Variants in EMCN observed in about 807,000 individuals in gnomAD.
EMCN encodes endomucin.
A neutral mutation model predicts 38.4 loss-of-function variants in EMCN; 37 were observed. That is an observed-to-expected ratio of 0.96 (90% CI 0.74 to 1.27). The LOEUF is 1.27. Ranked by LOEUF, EMCN falls within the 50% of genes most tolerant of loss-of-function variation. The pLI, the probability that EMCN is intolerant of heterozygous loss-of-function variation, is 0.00. For missense variants in EMCN, 318 were observed against 302.8 expected, an observed-to-expected ratio of 1.05 and a Z score of -0.37; for synonymous variants, 95 against 100.8, an observed-to-expected ratio of 0.94 and a Z score of 0.35.
intron 5 of EMCN, among the ~76,000 whole-genome samples, chr4:100,425,375 T>C (rs1727018963): frequency 6.6e-6 from 1 of 152,108 alleles, no homozygotes; most frequent in Non-Finnish European, 1.5e-5. Context: ...ACAGTTTTTG[T>C]TGAGACTGTA....
At chr4:100,511,416 GAC>G (rs1231663659) in intron 1 of EMCN, among the ~76,000 whole-genome samples, 1 of 152,064 alleles carries the variant, frequency 6.6e-6, no homozygotes, top group Non-Finnish European at 1.5e-5. Flanking sequence ...TCTAGTCTTT[GAC>G]ACAACTAATA....
At position 100,493,698 on chromosome 4, in the gene EMCN, C is replaced by T. The variant is rs148841034; in HGVS notation, c.65-13659G>A. ...AATGATGAATGCAATTATTATTTTA[C>T]ACGGGGGTTGTTTCACAACTTTTTT... On this transcript the variant is annotated intron_variant, in intron 1 of 11. Transcript: ENST00000296420. 2.8e-3 allele frequency among the ~76,000 whole-genome samples: 430 copies of T among 152,240 alleles called. 4 individuals carry two copies. Among genetic ancestry groups the T allele is most frequent in the African/African-American group, 9.9e-3 (411 of 41,538 alleles).
Position 100,454,852 on chromosome 4 carries a change from T to C in EMCN, c.377-7281A>G, listed in dbSNP as rs77094703. 3.2e-3 allele frequency among the ~76,000 whole-genome samples: 480 copies of C among 152,284 alleles called. 2 individuals carry two copies. Among genetic ancestry groups the C allele is most frequent in the African/African-American group, 0.011 (463 of 41,572 alleles). ...TTGAAACCTTCTCTGTCTGATATTA[T>C]TGTAGTCCCTTCAACTTTCTTTTAA... is the stretch of plus-strand genomic sequence containing the variant. On this transcript the variant is annotated intron_variant, in intron 4 of 11. Coordinates refer to ENST00000296420, the MANE Select transcript of EMCN (RefSeq NM_016242.4).
chr4:100,437,190 AC>A (rs1438172601), intron 5 of EMCN, among the ~76,000 whole-genome samples: 1 of 152,206 alleles, frequency 6.6e-6, no homozygotes, highest in African/African-American at 2.4e-5. Context: ...GATGTTGACC[AC>A]ATTTGCATGC....
intron 10 of EMCN, 32 bp from the exon 11 acceptor site, chr4:100,410,387 G>T (rs376385480): frequency 2.4e-5 from 39 of 1,603,058 alleles, no homozygotes; most frequent in Non-Finnish European, 3.2e-5. Context: ...TGATCTGTAA[G>T]CTCAGAGACT....
intron 1 of EMCN, among the ~76,000 whole-genome samples, chr4:100,516,273 G>C (rs1349227204): frequency 6.6e-6 from 1 of 152,044 alleles, no homozygotes; most frequent in East Asian, 1.9e-4. Context: ...CTTAAGGCCA[G>C]GTATTGCAGG....
chr4:100,443,021 T>C (rs1406822085), intron 5 of EMCN, among the ~76,000 whole-genome samples: 4 of 152,172 alleles, frequency 2.6e-5, no homozygotes, highest in Admixed American at 2.6e-4. Flanking sequence ...GGCTAATTTT[T>C]GTATTTTTAG....
At chr4:100,401,894 T>C (rs957428240) in intron 11 of EMCN, among the ~76,000 whole-genome samples, 103 of 152,234 alleles carry the variant, frequency 6.8e-4, no homozygotes, top group African/African-American at 2.5e-3. Flanking sequence ...TAGCAGCAGA[T>C]TCCCCCTTGA....
chr4:100,457,607 A>C (rs1728054924), intron 4 of EMCN, among the ~76,000 whole-genome samples: 1 of 152,112 alleles, frequency 6.6e-6, no homozygotes, highest in Non-Finnish European at 1.5e-5. Context: ...ATATTGATTG[A>C]TTTTCCTATG....
At chr4:100,484,639 A>G (rs545236020) in intron 1 of EMCN, among the ~76,000 whole-genome samples, 1 of 152,184 alleles carries the variant, frequency 6.6e-6, no homozygotes, top group South Asian at 2.1e-4. Context: ...CTCCTTTACT[A>G]AGTCTACACC....
At chr4:100,402,740 T>C (rs554240448) in intron 11 of EMCN, among the ~76,000 whole-genome samples, 3 of 152,270 alleles carry the variant, frequency 2.0e-5, no homozygotes, top group African/African-American at 7.2e-5. Context: ...GGAATGGGAG[T>C]TGAACAAAAA....
chr4:100,458,532 T>C (rs1392806327), intron 4 of EMCN, among the ~76,000 whole-genome samples: 1 of 152,218 alleles, frequency 6.6e-6, no homozygotes, highest in Non-Finnish European at 1.5e-5. Flanking sequence ...GTATCACTTT[T>C]ATAACTTTTG....
At chr4:100,461,203 G>A (rs1245098214) in intron 4 of EMCN, among the ~76,000 whole-genome samples, 1 of 152,060 alleles carries the variant, frequency 6.6e-6, no homozygotes, top group African/African-American at 2.4e-5. Context: ...TTCTCTCCCA[G>A]ATATCCATAT....
intron 8 of EMCN, 23 bp from the exon 9 acceptor site, chr4:100,417,164 T>C (rs776049709): frequency 6.2e-7 from 1 of 1,613,436 alleles, no homozygotes; most frequent in South Asian, 1.1e-5. Context: ...GGAGTTGTTA[T>C]TAGAGTTGCA....
chr4:100,466,019 G>A (rs1386854164), intron 3 of EMCN, among the ~76,000 whole-genome samples: 1 of 152,086 alleles, frequency 6.6e-6, no homozygotes, highest in Non-Finnish European at 1.5e-5. Flanking sequence ...TTTCAAGCAG[G>A]TGGAATAGTC....
chr4:100,442,120 C>G (rs1317662004), intron 5 of EMCN, among the ~76,000 whole-genome samples: 1 of 152,130 alleles, frequency 6.6e-6, no homozygotes, highest in African/African-American at 2.4e-5. Flanking sequence ...TGTCTGGGAA[C>G]AATTTTATTT....
At chr4:100,450,771 A>G (rs924570805) in intron 4 of EMCN, among the ~76,000 whole-genome samples, 1 of 151,952 alleles carries the variant, frequency 6.6e-6, no homozygotes, top group African/African-American at 2.4e-5. Context: ...AAGTCTCAAA[A>G]TAAGTTTCAT....
chr4:100,405,889 A>G (rs1422873390), intron 11 of EMCN, among the ~76,000 whole-genome samples: 1 of 151,440 alleles, frequency 6.6e-6, no homozygotes, highest in African/African-American at 2.4e-5. Context: ...TTTATTACTG[A>G]TTCAATTTTG....
intron 1 of EMCN, among the ~76,000 whole-genome samples, chr4:100,514,469 T>C (rs1483073267): frequency 1.3e-5 from 2 of 152,108 alleles, no homozygotes; most frequent in Non-Finnish European, 2.9e-5. Context: ...TTACCTTTTA[T>C]TTCTCTTGAC....
Sources: gnomAD v4.1 joint callset for allele counts (sites outside exome capture counted in the v4.1 genomes callset) on GRCh38, gnomAD v4.1.1 for gene constraint, MANE v1.5 for transcripts, NCBI Gene and HGNC (gene_info 2026-07-23, HGNC 2026-07-21) for gene names.